The following UBXN7 variants were observed in gnomAD, a reference collection of about 807,000 sequenced individuals.
The protein encoded by UBXN7 is UBX domain-containing protein 7.
In UBXN7, 9 loss-of-function variants were observed where a neutral mutation model predicts 58.0. The ratio of observed to expected loss-of-function variants is 0.16; its 90% confidence interval spans 0.09 to 0.27. The LOEUF is 0.27. Among genes scored for constraint, UBXN7 ranks in the 10% least tolerant of loss-of-function variants. The pLI, the probability that UBXN7 is intolerant of heterozygous loss-of-function variation, is 1.00. For synonymous variants in UBXN7, 208 were observed against 205.0 expected, an observed-to-expected ratio of 1.01 and a Z score of -0.12; for missense variants, 328 against 599.6, an observed-to-expected ratio of 0.55 and a Z score of 4.73.
chr3:196,406,260 T>C (rs1471856803), intron 2 of UBXN7, among the ~76,000 whole-genome samples: 1 of 152,130 alleles, frequency 6.6e-6, no homozygotes, highest in Non-Finnish European at 1.5e-5. Flanking sequence ...CTCAAACTCT[T>C]GGGCTCAAGC....
chr3:196,359,901 G>A (rs1728460000), intron 10 of UBXN7, among the ~76,000 whole-genome samples: 1 of 149,722 alleles, frequency 6.7e-6, no homozygotes, highest in African/African-American at 2.5e-5. Flanking sequence ...GCAAGACTCT[G>A]TCTCAAAAAA....
At chr3:196,366,499 C>T (rs1402952159) in intron 8 of UBXN7, among the ~76,000 whole-genome samples, 5 of 151,248 alleles carry the variant, frequency 3.3e-5, no homozygotes, top group South Asian at 4.2e-4. Context: ...GCTGCAAAGA[C>T]TACAGTGAGT....
chr3:196,402,775 C>T (rs1242717296), intron 3 of UBXN7, among the ~76,000 whole-genome samples, 177 bp downstream of exon 3: 2 of 152,198 alleles, frequency 1.3e-5, no homozygotes, highest in South Asian at 2.1e-4. Context: ...CAATTTTTAA[C>T]ATCTGCTTCA....
chr3:196,404,973 G>A (rs1043102658), intron 2 of UBXN7, among the ~76,000 whole-genome samples: 9 of 152,018 alleles, frequency 5.9e-5, no homozygotes, highest in African/African-American at 1.7e-4. Context: ...GGGCAACAAG[G>A]CAAAACCCCA....
At position 196,396,604 on chromosome 3, in the gene UBXN7, A is replaced by T. The variant is rs529809048; in HGVS notation, c.290-2985T>A. 1.8e-4 allele frequency among the ~76,000 whole-genome samples: 27 copies of T among 151,970 alleles called. 1 individual carries two copies. In the South Asian group the frequency reaches 5.6e-3, roughly 32 times the overall value. On this transcript the variant is annotated intron_variant, in intron 3 of 10. Coordinates refer to ENST00000296328, the MANE Select transcript of UBXN7 (RefSeq NM_015562.2). ...GGTGAAACCCCATCTCTACTAAAAA[A>T]TAGAAAAAATTAGTCAGGCGTGGTG...
Position 196,391,994 on chromosome 3 carries a change from A to C in UBXN7, c.356-69T>G, listed in dbSNP as rs557134989. On this transcript the variant is annotated intron_variant, in intron 4 of 10. Coordinates refer to ENST00000296328, the MANE Select transcript of UBXN7 (RefSeq NM_015562.2). ...AATCACACTGAAAAAAAAAAAAAAAAAAACACAAACTTCTGTCAATTGAAG... is the reference window on the plus strand; with the variant it reads ...AATCACACTGAAAAAAAAAAAAAAACAAACACAAACTTCTGTCAATTGAAG... The C allele has an allele frequency of 1.2e-3, 940 of 795,344 alleles. 12 individuals carry two copies. In the African/African-American group the frequency reaches 0.015, roughly 13 times the overall value. 49.3% of individuals were successfully genotyped at this position (795,344 alleles called of 1,614,324 possible).
At chr3:196,359,105 G>A (rs1477219756) in intron 10 of UBXN7, among the ~76,000 whole-genome samples, 1 of 152,114 alleles carries the variant, frequency 6.6e-6, no homozygotes, top group Non-Finnish European at 1.5e-5. Context: ...CTTGTGTCAA[G>A]TGCCTCTATT....
chr3:196,370,706 A>G (rs1284188319), intron 6 of UBXN7, among the ~76,000 whole-genome samples: 1 of 151,826 alleles, frequency 6.6e-6, no homozygotes, highest in African/African-American at 2.4e-5. Flanking sequence ...TTTATTTTCT[A>G]TAACTTTTCA....
intron 3 of UBXN7, among the ~76,000 whole-genome samples, chr3:196,396,013 G>A (rs928430856): frequency 1.3e-5 from 2 of 152,126 alleles, no homozygotes; most frequent in Non-Finnish European, 2.9e-5. Flanking sequence ...TGATCCACCC[G>A]CCTCGGCTAC....
chr3:196,399,450 T>G (rs1013806231), intron 3 of UBXN7, among the ~76,000 whole-genome samples: 6 of 152,124 alleles, frequency 3.9e-5, no homozygotes, highest in Admixed American at 3.3e-4. Context: ...TTTATGTTTC[T>G]TTTATAGACA....
chr3:196,417,724 TAAAAAAAAAAAA>T (rs749981900), intron 1 of UBXN7, among the ~76,000 whole-genome samples: 9 of 31,684 alleles, frequency 2.8e-4, no homozygotes, highest in South Asian at 1.5e-3. Context: ...GCAAAATGGT[TAAAAAAAAAAAA>T]AAAAAAAAAA....
intron 1 of UBXN7, among the ~76,000 whole-genome samples, chr3:196,419,698 C>A (rs757184864): frequency 1.3e-5 from 2 of 152,048 alleles, no homozygotes; most frequent in African/African-American, 4.8e-5. Context: ...CCTGGGGAGT[C>A]GGGGATACTA....
intron 3 of UBXN7, chr3:196,393,916 A>C: frequency 5.2e-6 from 1 of 192,944 alleles, no homozygotes; most frequent in Non-Finnish European, 1.1e-5. Context: ...TAATCCAAAC[A>C]TCTTCCATCC....
chr3:196,428,313 G>A (rs1205601986), intron 1 of UBXN7, among the ~76,000 whole-genome samples: 1 of 151,946 alleles, frequency 6.6e-6, no homozygotes. Flanking sequence ...TTTTAGCTGG[G>A]CATGGTGGCA....
intron 5 of UBXN7, among the ~76,000 whole-genome samples, chr3:196,381,711 G>A (rs1216101235): frequency 2.6e-5 from 4 of 151,898 alleles, no homozygotes; most frequent in African/African-American, 4.8e-5. Flanking sequence ...GAGGATGTTC[G>A]AACCCATCGC....
chr3:196,359,253 C>A (rs1728438816), intron 10 of UBXN7, among the ~76,000 whole-genome samples: 1 of 152,092 alleles, frequency 6.6e-6, no homozygotes, highest in Non-Finnish European at 1.5e-5. Context: ...TTTTGGGCAC[C>A]ACAAACCACG....
intron 10 of UBXN7, among the ~76,000 whole-genome samples, chr3:196,359,298 G>A (rs1023610863): frequency 1.3e-5 from 2 of 152,284 alleles, no homozygotes; most frequent in African/African-American, 4.8e-5. Flanking sequence ...AAAGAAGTAT[G>A]TTCTGACTGC....
rs548033335 is a variant in UBXN7, at chr3:196,354,367, G to A, written c.*2318C>T. The stretch of plus-strand genomic sequence containing the variant: ...ACCACACCCTCTCACTGATGAACAC[G>A]TTGGCAGTTCTCCCAACTGTTTTAT... On this transcript the variant is annotated 3_prime_UTR_variant, in exon 11 of 11. Coordinates refer to ENST00000296328, the MANE Select transcript of UBXN7 (RefSeq NM_015562.2). 2.0e-5 allele frequency: 3 copies of A among 152,292 alleles called. No homozygotes were observed. The highest frequency in any genetic ancestry group is 1.3e-4 in the Admixed American group (2 of 15,298). 9.4% of individuals were successfully genotyped at this position (152,292 alleles called of 1,614,324 possible). A position where few individuals can be genotyped will look rare whatever the true frequency, so the allele number is the denominator to read the frequency against.
intron 3 of UBXN7, among the ~76,000 whole-genome samples, chr3:196,401,298 T>TACACACACACAC (rs71630187): frequency 1.6e-5 from 1 of 61,694 alleles, no homozygotes; most frequent in African/African-American, 8.7e-5. Context: ...TATATATATA[T>TACACACACACAC]ACACACACAC....
Sources: gnomAD v4.1 joint callset for allele counts (sites outside exome capture counted in the v4.1 genomes callset) on GRCh38, gnomAD v4.1.1 for gene constraint, MANE v1.5 for transcripts, NCBI Gene and HGNC (gene_info 2026-07-23, HGNC 2026-07-21) for gene names.